RBFOX1: variants seen among roughly 807,000 people sequenced by gnomAD.
RBFOX1 encodes the protein RNA binding fox-1 homolog 1.
In RBFOX1, 8 loss-of-function variants were observed where a neutral mutation model predicts 57.7. The ratio of observed to expected loss-of-function variants is 0.14; its 90% CI spans 0.08 to 0.25. The LOEUF (loss-of-function observed/expected upper bound fraction) is 0.25. Among genes scored for constraint, RBFOX1 ranks in the 10% least tolerant of loss-of-function variants. RBFOX1 has a pLI of 1.00. For synonymous variants in RBFOX1, 326 were observed against 222.4 expected, an observed-to-expected ratio of 1.47 and a Z score of -4.15; for missense variants, 611 against 548.5, an observed-to-expected ratio of 1.11 and a Z score of -1.14.
intron 4 of RBFOX1, among the ~76,000 whole-genome samples, chr16:7,412,170 A>T (rs2098435499): frequency 6.6e-6 from 1 of 152,168 alleles, no homozygotes; most frequent in Non-Finnish European, 1.5e-5. Flanking sequence ...ACCGTCGCTC[A>T]CGGCTGTAAT....
intron 4 of RBFOX1, among the ~76,000 whole-genome samples, chr16:7,280,592 G>T (rs1435049732): frequency 3.3e-5 from 5 of 152,310 alleles, no homozygotes; most frequent in Admixed American, 1.3e-4. Context: ...TGACATCTCA[G>T]TGGGGCCGCT....
At chr16:5,555,347 G>A (rs560635723) in intron 2 of RBFOX1, among the ~76,000 whole-genome samples, 107 of 152,118 alleles carry the variant, frequency 7.0e-4, no homozygotes, top group Middle Eastern at 6.8e-3. Context: ...TACACCTCCT[G>A]GGCTCAAGCA....
At chr16:6,602,353 G>A (rs1294112730) in intron 2 of RBFOX1, among the ~76,000 whole-genome samples, 1 of 151,926 alleles carries the variant, frequency 6.6e-6, no homozygotes, top group South Asian at 2.1e-4. Flanking sequence ...TTTCCTTTTT[G>A]TTGCCTGTAC....
intron 4 of RBFOX1, among the ~76,000 whole-genome samples, chr16:7,480,162 A>G (rs895921993): frequency 1.3e-5 from 2 of 152,200 alleles, no homozygotes; most frequent in Non-Finnish European, 2.9e-5. Flanking sequence ...ACAGCTACAC[A>G]CACTCTCTAA....
chr16:6,290,891 G>A (rs1054516641), intron 1 of RBFOX1, among the ~76,000 whole-genome samples: 2 of 152,174 alleles, frequency 1.3e-5, no homozygotes, highest in African/African-American at 4.8e-5. Context: ...TAAAGTGAAA[G>A]CAAGTTTATT....
At position 7,387,913 on chromosome 16, in the gene RBFOX1, C is replaced by T. The variant is rs1003533433; in HGVS notation, c.28-130234C>T. Among the ~76,000 whole-genome samples, 16 of 152,242 alleles carry T rather than the reference C, an allele frequency of 1.1e-4. 1 individual carries two copies. Among genetic ancestry groups the T allele is most frequent in the Middle Eastern group, 3.4e-3 (1 of 294 alleles). On this transcript the variant is annotated intron_variant, in intron 4 of 15. Coordinates refer to ENST00000550418, the MANE Select transcript of RBFOX1 (RefSeq NM_018723.4). ...TGTGCTGTCTTTGATTTTCCACTTT[C>T]GCCTTTATTTTACGCCATTGTTGGA...
chr16:6,447,588 C>T (rs566287845), intron 2 of RBFOX1, among the ~76,000 whole-genome samples: 24 of 152,170 alleles, frequency 1.6e-4, no homozygotes, highest in African/African-American at 5.5e-4. Context: ...TTCTGTGTGT[C>T]GCTATATGCA....
At chr16:6,869,011 A>AC (rs2060415665) in intron 3 of RBFOX1, among the ~76,000 whole-genome samples, 1 of 152,240 alleles carries the variant, frequency 6.6e-6, no homozygotes, top group Non-Finnish European at 1.5e-5. Flanking sequence ...ACTACAAAAA[A>AC]CAAAAGTTCC....
chr16:5,617,065 C>T (rs1250958394), intron 3 of RBFOX1, among the ~76,000 whole-genome samples: 1 of 151,932 alleles, frequency 6.6e-6, no homozygotes, highest in Non-Finnish European at 1.5e-5. Context: ...TGAAATTTCC[C>T]TCAGATCTAG....
intron 2 of RBFOX1, among the ~76,000 whole-genome samples, chr16:6,429,935 C>T (rs894310484): frequency 2.0e-5 from 3 of 151,880 alleles, no homozygotes; most frequent in African/African-American, 7.3e-5. Flanking sequence ...ATAGTGAAAC[C>T]CCCTCTCTAC....
intron 14 of RBFOX1, among the ~76,000 whole-genome samples, chr16:7,706,897 ATAT>A (rs754008868): frequency 7.2e-5 from 11 of 152,290 alleles, no homozygotes; most frequent in East Asian, 1.9e-4. Flanking sequence ...CTCTCTGAAT[ATAT>A]TATTATTTTA....
intron 4 of RBFOX1, among the ~76,000 whole-genome samples, chr16:7,075,517 A>G (rs183848925): frequency 1.3e-5 from 2 of 152,324 alleles, no homozygotes; most frequent in East Asian, 1.9e-4. Context: ...AACAATAAGT[A>G]TTAAAAAATA....
chr16:6,417,802 A>T (rs2093667016), intron 2 of RBFOX1, among the ~76,000 whole-genome samples: 1 of 150,476 alleles, frequency 6.6e-6, no homozygotes, highest in African/African-American at 2.4e-5. Context: ...AGATTATTTC[A>T]TCACCCAGAT....
At chr16:6,053,480 G>A (rs1284608410) in intron 1 of RBFOX1, among the ~76,000 whole-genome samples, 1 of 152,126 alleles carries the variant, frequency 6.6e-6, no homozygotes, top group Non-Finnish European at 1.5e-5. Flanking sequence ...GTGGCTGAAT[G>A]TAAACAAAGA....
chr16:7,697,162 T>TG (rs1375633654), intron 14 of RBFOX1, among the ~76,000 whole-genome samples: 8 of 152,136 alleles, frequency 5.3e-5, no homozygotes, highest in African/African-American at 9.6e-5. Flanking sequence ...CGAAGGGCAA[T>TG]GGGGGGGCCC....
intron 3 of RBFOX1, chr16:6,748,880 C>G (rs898846819): frequency 2.6e-5 from 4 of 152,180 alleles, no homozygotes; most frequent in African/African-American, 7.2e-5. Context: ...AGGTCTTTGT[C>G]TAAGGAAGAA....
intron 2 of RBFOX1, among the ~76,000 whole-genome samples, chr16:6,321,833 G>A (rs763734695): frequency 6.6e-6 from 1 of 152,096 alleles, no homozygotes; most frequent in African/African-American, 2.4e-5. Context: ...CTCAGTATTC[G>A]TCTTCAAAGC....
chr16:6,938,338 C>G (rs773673646), intron 3 of RBFOX1, among the ~76,000 whole-genome samples: 4 of 152,064 alleles, frequency 2.6e-5, no homozygotes, highest in Non-Finnish European at 5.9e-5. Flanking sequence ...GAAACCGAAG[C>G]CTATTGTTGG....
rs1228140061 is a variant in RBFOX1 at position 6,699,119 on chromosome 16, A to G, written c.-16+44469A>G. Among the ~76,000 whole-genome samples the G allele has an allele frequency of 2.0e-5, 3 of 152,138 alleles. No individual in the cohort carries two copies. The East Asian group carries it at 5.8e-4, about 29-fold the overall frequency. On this transcript the variant is annotated intron_variant, in intron 3 of 15. Coordinates refer to ENST00000550418, the MANE Select transcript of RBFOX1 (RefSeq NM_018723.4). ...CATGCAGCCATCATCAGTATAAGAA[A>G]CAGCGTCTTCAACCCATTTGAAGTG...
Sources: allele counts gnomAD v4.1 joint callset (sites outside exome capture counted in the v4.1 genomes callset), GRCh38; gene constraint gnomAD v4.1.1; transcripts MANE v1.5; gene names NCBI Gene and HGNC (gene_info 2026-07-23, HGNC 2026-07-21).